RAG2: variants seen among roughly 807,000 people sequenced by gnomAD.
RAG2 encodes the protein recombination activating 2.
RAG2 carries 16 observed loss-of-function variants against 31.8 expected under a neutral mutation model. That is an observed-to-expected ratio of 0.50 (90% confidence interval 0.34 to 0.76). RAG2 has a LOEUF of 0.76. Ranked by LOEUF, RAG2 falls within the 30% of genes least tolerant of loss-of-function variation. The pLI, the probability that RAG2 is intolerant of heterozygous loss-of-function variation, is 0.01. For missense variants in RAG2, 622 were observed against 628.5 expected, an observed-to-expected ratio of 0.99 and a Z score of 0.11; for synonymous variants, 199 against 215.9, an observed-to-expected ratio of 0.92 and a Z score of 0.68.
At position 36,593,051 on chromosome 11, in the gene RAG2, C is replaced by T. The variant is rs1203252280; in HGVS notation, c.1118G>A (p.Gly373Glu). ...TNSQTSTEDP[G>E]DSTPFEDSEE... Reference sequence around the variant, plus strand: ...AGAGTCTTCAAAGGGAGTGGAATCCCCTGGATCTTCTGTTGATGTTTGACT... The same window carrying T: ...AGAGTCTTCAAAGGGAGTGGAATCCTCTGGATCTTCTGTTGATGTTTGACT... Residue 373 changes from glycine to glutamate, a missense_variant, in exon 2 of 2, where the codon GGG becomes GAG. Gly to Glu is a moderately conservative substitution (Grantham distance 98, BLOSUM62 -2). Coordinates refer to ENST00000311485, the MANE Select transcript of RAG2 (RefSeq NM_000536.4). 1.9e-6 allele frequency: 3 copies of T among 1,614,010 alleles called. No homozygotes were observed. The African/African-American group carries it at 4.0e-5, about 22-fold the overall frequency.
At chr11:36,597,936 C>G (rs1851343907) in intron 1 of RAG2, among the ~76,000 whole-genome samples, 166 bp downstream of exon 1, 1 of 152,076 alleles carries the variant, frequency 6.6e-6, no homozygotes, top group Non-Finnish European at 1.5e-5. Context: ...AGCCAGAGAA[C>G]AGAAAGCCCC....
chr11:36,592,738 G>A lies in RAG2; in HGVS notation c.1431C>T (p.Tyr477=), dbSNP rs750878183. 5 of 1,614,012 alleles carry A rather than the reference G, an allele frequency of 3.1e-6. No individual in the cohort carries two copies. The highest frequency in any genetic ancestry group is 3.4e-6 in the Non-Finnish European group (4 of 1,180,024). ...IHLSAGSNKY[Y]CNEHVEIARA... ...TTGCTATCTCCACATGCTCATTGCA[G>A]TAATACTTGTTGCTTCCTGCTGACA... Residue 477 remains tyrosine (Y), a synonymous_variant, in exon 2 of 2, where the codon TAC becomes TAT. Transcript: ENST00000311485.
intron 1 of RAG2, among the ~76,000 whole-genome samples, chr11:36,596,026 A>C (rs73455539): frequency 0.16 from 23,684 of 152,200 alleles, 2,672 homozygotes; most frequent in African/African-American, 0.32. Context: ...ATCTTGGTAT[A>C]TATTCACTGG....
intron 1 of RAG2, chr11:36,595,013 G>A (rs1328088807): frequency 6.6e-6 from 1 of 152,150 alleles, no homozygotes; most frequent in Admixed American, 6.5e-5. Flanking sequence ...TAGAGTGCAG[G>A]GGAGACATTG....
intron 1 of RAG2, among the ~76,000 whole-genome samples, chr11:36,597,462 CAG>C (rs1251942116): frequency 6.6e-6 from 1 of 152,182 alleles, no homozygotes; most frequent in Non-Finnish European, 1.5e-5. Context: ...TTGTAAAGGA[CAG>C]AAATATAGGA....
At chr11:36,591,361 C>T (rs1217683844), downstream of RAG2, among the ~76,000 whole-genome samples, 3 of 151,908 alleles carry the variant, frequency 2.0e-5, no homozygotes, top group Admixed American at 1.3e-4. Context: ...TAAGAGTCTT[C>T]ACTGTAACTG....
At chr11:36,594,409 A>G (rs149524940) in intron 1 of RAG2, 459 of 563,746 alleles carry the variant, frequency 8.1e-4, no homozygotes, top group African/African-American at 7.9e-3. Context: ...GCCACGGACT[A>G]TATGCTCCCT....
chr11:36,596,222 G>GTTTTTTTTTTTTTTTTTTTTTTTTTT (rs67282079), intron 1 of RAG2, among the ~76,000 whole-genome samples: 1 of 118,368 alleles, frequency 8.4e-6, no homozygotes, highest in African/African-American at 3.1e-5. Flanking sequence ...TTTTTTTTTT[G>GTTTTTTTTTTTTTTTTTTTTTTTTTT]TTTTTTTTTT....
rs1390859610 is a variant in RAG2 at position 36,592,558 on chromosome 11, A to G, written c.*27T>C. ...AAAAATAGATTCAAAAATTCCATACACCTGAATCTGAAAGGCTTTTGCAAA... is the reference window on the plus strand; with the variant it reads ...AAAAATAGATTCAAAAATTCCATACGCCTGAATCTGAAAGGCTTTTGCAAA... On this transcript the variant is annotated 3_prime_UTR_variant, in exon 2 of 2. Coordinates refer to ENST00000311485, the MANE Select transcript of RAG2 (RefSeq NM_000536.4). The G allele has an allele frequency of 1.9e-6, 3 of 1,611,002 alleles. No individual in the cohort carries two copies. The highest frequency in any genetic ancestry group is 3.4e-4 in the Middle Eastern group (2 of 5,868).
At position 36,594,197 on chromosome 11, in the gene RAG2, T is replaced by C; in HGVS notation, c.-27-2A>G. ...TTCTGATGGTACGTAGATTTTTGTC[T>C]GAAAGAATTATAAAATAAAATGACT... On this transcript the variant is annotated splice_acceptor_variant, in intron 1 of 1. Transcript: ENST00000311485. LOFTEE classifies it low-confidence loss of function (5UTR_SPLICE). 6.6e-7 allele frequency: 1 copy of C among 1,507,650 alleles called. No homozygotes were observed. The highest frequency in any genetic ancestry group is 9.2e-7 in the Non-Finnish European group (1 of 1,083,812). The allele number at this position is 1,507,650 out of a possible 1,614,324, so 93.4% of individuals were successfully genotyped here.
Position 36,592,556 on chromosome 11 carries a change from A to G in RAG2, c.*29T>C. 6.2e-7 allele frequency: 1 copy of G among 1,609,922 alleles called. No individual in the cohort carries two copies. The highest frequency in any genetic ancestry group is 8.5e-7 in the Non-Finnish European group (1 of 1,177,200). On this transcript the variant is annotated 3_prime_UTR_variant, in exon 2 of 2. Transcript: ENST00000311485. ...TTAAAAATAGATTCAAAAATTCCAT[A>G]CACCTGAATCTGAAAGGCTTTTGCA...
chr11:36,593,179 G>A lies in RAG2; in HGVS notation c.990C>T (p.Gly330=), dbSNP rs772499379. 6.2e-7 allele frequency: 1 copy of A among 1,614,132 alleles called. No individual in the cohort carries two copies. Among genetic ancestry groups the A allele is most frequent in the Non-Finnish European group, 8.5e-7 (1 of 1,180,038 alleles). ...CAACTTGTTTATTGTCTCCTGGTATGCCAAGAAAAACAGTTCCATTTCCCA... is the reference window on the plus strand; with the variant it reads ...CAACTTGTTTATTGTCTCCTGGTATACCAAGAAAAACAGTTCCATTTCCCA... ...SNMGNGTVFL[G]IPGDNKQVVS... The change falls in exon 2 of 2, where the codon GGC becomes GGT. Residue 330 remains glycine, a synonymous_variant. Coordinates refer to ENST00000311485, the MANE Select transcript of RAG2 (RefSeq NM_000536.4).
chr11:36,592,433 T>C lies in RAG2; in HGVS notation c.*152A>G. ...AGAATGACTTTATTTATCATTGCAT[T>C]ATAAACACTTTTTTCTGGCCCTTAA... is the stretch of plus-strand genomic sequence containing the variant. On this transcript the variant is annotated 3_prime_UTR_variant, in exon 2 of 2. Transcript: ENST00000311485. 1 of 976,658 alleles carries C rather than the reference T, an allele frequency of 1.0e-6. No individual in the cohort carries two copies. The highest frequency in any genetic ancestry group is 2.6e-5 in the East Asian group (1 of 38,220). 60.5% of individuals were successfully genotyped at this position (976,658 alleles called of 1,614,324 possible).
chr11:36,592,965 A>T lies in RAG2; in HGVS notation c.1204T>A (p.Tyr402Asn). Residue 402 changes from tyrosine (Y) to asparagine (N), a missense_variant, in exon 2 of 2, where the codon TAT (tyrosine) becomes AAT (asparagine). Transcript: ENST00000311485. ...TCATCTTCTTCATCATCTTCATTAT[A>T]GGTGTCAAATTCATCATCACCATCA... ...SFDGDDEFDT[Y>N]NEDDEEDESE... 6.2e-7 allele frequency: 1 copy of T among 1,614,160 alleles called. No homozygotes were observed. The highest frequency in any genetic ancestry group is 8.5e-7 in the Non-Finnish European group (1 of 1,180,024).
In RAG2 at chr11:36,593,268, C is replaced by T; in HGVS notation, c.901G>A (p.Glu301Lys). Residue 301 changes from glutamate to lysine, a missense_variant, in exon 2 of 2, where the codon GAG becomes AAG. By Grantham distance (56) the Glu-to-Lys change is moderately conservative. Transcript: ENST00000311485. ...GGGGTCCAATCTGGGGTCTCCATCTCACGAATTTCTATCTTGTTGTCCTCT... is the reference window on the plus strand; with the variant it reads ...GGGGTCCAATCTGGGGTCTCCATCTTACGAATTTCTATCTTGTTGTCCTCT... ...SLEDNKIEIREMETPDWTPDI... is the reference protein window; with the variant it reads ...SLEDNKIEIRKMETPDWTPDI... 6.2e-7 allele frequency: 1 copy of T among 1,614,194 alleles called. No homozygotes were observed. Among genetic ancestry groups the T allele is most frequent in the South Asian group, 1.1e-5 (1 of 91,084 alleles).
chr11:36,593,810 AC>A lies in RAG2; in HGVS notation c.358del (p.Val120LeufsTer11), dbSNP rs1342428152. 4 of 1,614,144 alleles carry A rather than the reference AC, an allele frequency of 2.5e-6. No individual in the cohort carries two copies. Among genetic ancestry groups the A allele is most frequent in the East Asian group, 2.2e-5 (1 of 44,890 alleles). Reference protein sequence around the residue: ...MSIVCKNNKKVTFRCTEKDLV... With the variant: ...MSIVCKNNKKXTFRCTEKDLV... ...GTCTTTCTCTGTGCAGCGAAAAGTA[AC>A]CTTTTTGTTGTTCTTGCAAACAATA... On this transcript the variant is annotated frameshift_variant, in exon 2 of 2. Coordinates refer to ENST00000311485, the MANE Select transcript of RAG2 (RefSeq NM_000536.4). LOFTEE classifies it high-confidence loss of function.
chr11:36,595,326 C>G (rs530282520), intron 1 of RAG2: 84 of 152,090 alleles, frequency 5.5e-4, no homozygotes, highest in Non-Finnish European at 9.1e-4. Flanking sequence ...GAATTTCATA[C>G]TTGTGTTACA....
rs1364258371 is a variant in RAG2 at position 36,593,863 on chromosome 11, C to A, written c.306G>T (p.Glu102Asp). 6.2e-7 allele frequency: 1 copy of A among 1,614,156 alleles called. No homozygotes were observed. The highest frequency in any genetic ancestry group is 8.5e-7 in the Non-Finnish European group (1 of 1,180,030). ...ACATGACATAAATCTTATCTGAAACCTCATTGTTTGGTGTTTTCCCTCCAT... is the reference window on the plus strand; with the variant it reads ...ACATGACATAAATCTTATCTGAAACATCATTGTTTGGTGTTTTCCCTCCAT... ...IIHGGKTPNN[E>D]VSDKIYVMSI... is the part of the protein sequence containing the mutation. The change falls in exon 2 of 2, where the codon GAG becomes GAT. Residue 102 changes from glutamate (E) to aspartate (D), a missense_variant. Glu to Asp is a conservative substitution (Grantham distance 45). Transcript: ENST00000311485.
rs1224542443 is a variant in RAG2, at chr11:36,594,074, C to T, written c.95G>A (p.Gly32Glu). 4 of 1,613,964 alleles carry T rather than the reference C, an allele frequency of 2.5e-6. No homozygotes were observed. The highest frequency in any genetic ancestry group is 3.4e-6 in the Non-Finnish European group (4 of 1,179,952). ...MNFDGQVFFF[G>E]QKGWPKRSCP... ...GGATCTTTTGGGCCAGCCTTTTTGT[C>T]CAAAGAAGAAAACTTGTCCATCAAA... The change falls in exon 2 of 2, where the codon GGA (glycine) becomes GAA (glutamate). Residue 32 changes from glycine to glutamate, a missense_variant. Transcript: ENST00000311485.
Sources: gnomAD v4.1 joint callset for allele counts (sites outside exome capture counted in the v4.1 genomes callset) on GRCh38, gnomAD v4.1.1 for gene constraint, MANE v1.5 for transcripts, NCBI Gene and HGNC (gene_info 2026-07-23, HGNC 2026-07-21) for gene names.